The following CCDC125 variants were observed in gnomAD, a reference collection of about 807,000 sequenced individuals.
CCDC125 encodes the protein coiled-coil domain-containing protein 125.
CCDC125 carries 43 observed loss-of-function variants against 57.4 expected under a neutral mutation model. The ratio of observed to expected loss-of-function variants is 0.75; its 90% CI spans 0.59 to 0.97. CCDC125 has a LOEUF of 0.97. Ranked by LOEUF, CCDC125 falls within the 50% of genes least tolerant of loss-of-function variation. The pLI is 0.00. For synonymous variants in CCDC125, 187 were observed against 195.2 expected (o/e 0.96, Z 0.35); for missense variants, 563 against 595.7 (o/e 0.95, Z 0.57).
At chr5:69,277,540 C>T (rs113738418), downstream of CCDC125, 17,617 of 153,912 alleles carry the variant, frequency 0.11, 1,270 homozygotes, top group Admixed American at 0.17. Context: ...GAGGCCGAGG[C>T]GGGCGGATCA....
downstream of CCDC125, among the ~76,000 whole-genome samples, chr5:69,278,119 TG>T (rs1391974858): frequency 2.0e-5 from 3 of 151,944 alleles, no homozygotes; most frequent in Admixed American, 1.3e-4. Context: ...TGACCTGAAG[TG>T]ATCTGCCCAC....
intron 7 of CCDC125, 129 bp downstream of exon 7, chr5:69,303,718 A>C: frequency 1.7e-6 from 1 of 599,752 alleles, no homozygotes; most frequent in South Asian, 2.2e-5. Context: ...ACCTTGATAA[A>C]TTTTCTTAAA....
chr5:69,283,506 C>T (rs376758211), intron 11 of CCDC125, among the ~76,000 whole-genome samples: 26 of 151,454 alleles, frequency 1.7e-4, no homozygotes, highest in South Asian at 1.5e-3. Flanking sequence ...AGGCGTGAGC[C>T]ACCGTGCCCG....
At chr5:69,303,726 A>G (rs1756881556) in intron 7 of CCDC125, 121 bp downstream of exon 7, 1 of 619,828 alleles carries the variant, frequency 1.6e-6, no homozygotes. Flanking sequence ...AAATTTTCTT[A>G]AATTTAAAAA....
intron 8 of CCDC125, among the ~76,000 whole-genome samples, chr5:69,298,141 G>A (rs191593462): frequency 5.3e-5 from 8 of 151,392 alleles, no homozygotes; most frequent in Admixed American, 4.6e-4. Context: ...TCAGCCTCCC[G>A]AGTAGCTGGG....
At chr5:69,321,006 G>A (rs1759938851) in intron 1 of CCDC125, among the ~76,000 whole-genome samples, 1 of 152,064 alleles carries the variant, frequency 6.6e-6, no homozygotes, top group Non-Finnish European at 1.5e-5. Flanking sequence ...GAAAAATGGT[G>A]GTTACCAGAG....
At chr5:69,326,855 G>T (rs560291938) in intron 1 of CCDC125, among the ~76,000 whole-genome samples, 10 of 152,060 alleles carry the variant, frequency 6.6e-5, no homozygotes, top group African/African-American at 2.4e-4. Flanking sequence ...GTTCAGACCA[G>T]CCTGGGCAAC....
chr5:69,331,321 C>T (rs530841766), intron 1 of CCDC125, among the ~76,000 whole-genome samples: 6 of 151,986 alleles, frequency 3.9e-5, no homozygotes, highest in African/African-American at 1.2e-4. Context: ...CAACCTAGAC[C>T]TCCTGGGTTC....
At chr5:69,328,378 T>C (rs1760989017) in intron 1 of CCDC125, among the ~76,000 whole-genome samples, 1 of 152,144 alleles carries the variant, frequency 6.6e-6, no homozygotes, top group Non-Finnish European at 1.5e-5. Context: ...AAATACTATG[T>C]AATTAAACAA....
intron 8 of CCDC125, among the ~76,000 whole-genome samples, chr5:69,297,930 G>A (rs1049585129): frequency 6.6e-6 from 1 of 151,512 alleles, no homozygotes; most frequent in Non-Finnish European, 1.5e-5. Flanking sequence ...CCATGATTGT[G>A]CCACTGTACT....
downstream of CCDC125, among the ~76,000 whole-genome samples, chr5:69,277,852 G>T (rs993767791): frequency 2.6e-5 from 4 of 151,816 alleles, no homozygotes; most frequent in Admixed American, 2.6e-4. Context: ...ACTAAAAAAA[G>T]AAAACATTAC....
rs145472568 is a variant in CCDC125 at position 69,300,682 on chromosome 5, C to G, written c.701-555G>C. The stretch of plus-strand genomic sequence containing the variant: ...GAGGACTTATGATCATGAGCAGCTT[C>G]TGTCCTGAACTTATCTCACACAGGA... On this transcript the variant is annotated intron_variant, in intron 7 of 11. Transcript: ENST00000396496. 4.5e-4 allele frequency among the ~76,000 whole-genome samples: 69 copies of G among 152,214 alleles called. No homozygotes were observed. The East Asian group carries it at 0.012, about 26-fold the overall frequency.
At position 69,283,411 on chromosome 5, in the gene CCDC125, G is replaced by A. The variant is rs565799692; in HGVS notation, c.1231-377C>T. On this transcript the variant is annotated intron_variant, in intron 11 of 11. Coordinates refer to ENST00000396496, the MANE Select transcript of CCDC125 (RefSeq NM_176816.5). ...ATTTTTTGCATTTTTTAGTAGAGAC[G>A]GGGTTTCACTGTGTTTGCCAGGATG... is the stretch of plus-strand genomic sequence containing the variant. Among the ~76,000 whole-genome samples the A allele has an allele frequency of 1.5e-3, 224 of 151,930 alleles. 1 individual carries two copies. The highest frequency in any genetic ancestry group is 2.3e-3 in the Non-Finnish European group (154 of 67,934).
intron 8 of CCDC125, among the ~76,000 whole-genome samples, chr5:69,295,592 C>T (rs1695724687): frequency 1.3e-5 from 2 of 152,198 alleles, no homozygotes; most frequent in African/African-American, 4.8e-5. Flanking sequence ...CCAGACCTTT[C>T]TGCTTCCATC....
rs1752438863 is a variant in CCDC125 at position 69,280,998 on chromosome 5, G to C, written c.*1731C>G. 6.6e-6 allele frequency: 1 copy of C among 152,216 alleles called. No homozygotes were observed. The highest frequency in any genetic ancestry group is 1.5e-5 in the Non-Finnish European group (1 of 68,122). 9.4% of individuals were successfully genotyped at this position (152,216 alleles called of 1,614,324 possible). A position where few individuals can be genotyped will look rare whatever the true frequency, so the allele number is the denominator to read the frequency against. On this transcript the variant is annotated 3_prime_UTR_variant, in exon 12 of 12. Coordinates refer to ENST00000396496, the MANE Select transcript of CCDC125 (RefSeq NM_176816.5). ...TGTATAGATGGGGTTTCACCATGTT[G>C]CCCAGGCTGGTCTTGAACTCTGGAC...
rs538055294 is a variant in CCDC125, at chr5:69,298,866, T to C, written c.816+1146A>G. 7.2e-5 allele frequency among the ~76,000 whole-genome samples: 11 copies of C among 152,318 alleles called. No individual in the cohort carries two copies. The East Asian group carries it at 1.9e-3, about 27-fold the overall frequency. On this transcript the variant is annotated intron_variant, in intron 8 of 11. Transcript: ENST00000396496. ...AAAAGCACAGACTCTAAGCTCTGTC[T>C]ACAGGCTGCAAATCCCAGCTCCACC... is the stretch of plus-strand genomic sequence containing the variant.
chr5:69,277,291 A>AT (rs1752249183), downstream of CCDC125: 5 of 455,064 alleles, frequency 1.1e-5, no homozygotes, highest in Middle Eastern at 1.2e-3. Flanking sequence ...TATTAAATGT[A>AT]TTTTAAAATA....
chr5:69,277,375 A>G (rs753046933), downstream of CCDC125: 1 of 377,828 alleles, frequency 2.6e-6, no homozygotes, highest in Non-Finnish European at 4.8e-6. Context: ...TGTAGAATTG[A>G]AAATGCATTA....
rs572197667 is a variant in CCDC125 at position 69,324,708 on chromosome 5, C to T, written c.-40-4128G>A. On this transcript the variant is annotated intron_variant, in intron 1 of 11. Transcript: ENST00000396496. ...TATGCAATGAATTTCCCAGACATTA[C>T]GCTAACAAAAAAGCACATACTAGGC... Among the ~76,000 whole-genome samples, 7 of 152,242 alleles carry T rather than the reference C, an allele frequency of 4.6e-5. No individual in the cohort carries two copies. In the East Asian group the frequency reaches 7.7e-4, roughly 17 times the overall value.
Sources: gnomAD v4.1 joint callset for allele counts (sites outside exome capture counted in the v4.1 genomes callset) on GRCh38, gnomAD v4.1.1 for gene constraint, MANE v1.5 for transcripts, NCBI Gene and HGNC (gene_info 2026-07-23, HGNC 2026-07-21) for gene names.